Variants in RAB27A observed in about 807,000 individuals in gnomAD.
The protein encoded by RAB27A is RAB27A, member RAS oncogene family, also known as ras-related protein Rab-27A.
RAB27A carries 17 observed loss-of-function variants against 20.8 expected under a neutral mutation model. That is an observed-to-expected ratio of 0.82 (90% CI 0.56 to 1.23). RAB27A has a LOEUF of 1.23. Among genes scored for constraint, RAB27A ranks in the 50% most tolerant of loss-of-function variants. The pLI, the probability that RAB27A is intolerant of heterozygous loss-of-function variation, is 0.00. For missense variants in RAB27A, 277 were observed against 266.7 expected (o/e 1.04, Z -0.27); for synonymous variants, 85 against 92.8 (o/e 0.92, Z 0.48).
At chr15:55,317,396 C>T (rs1477982846) in intron 1 of RAB27A, 2 of 218,398 alleles carry the variant, frequency 9.2e-6, no homozygotes, top group Non-Finnish European at 1.8e-5. Context: ...CTCACTGCCA[C>T]CTCTGCCTCC....
chr15:55,302,382 G>A (rs1452394844), intron 2 of RAB27A, among the ~76,000 whole-genome samples: 2 of 151,978 alleles, frequency 1.3e-5, no homozygotes, highest in Non-Finnish European at 2.9e-5. Context: ...AGTGCTCAAT[G>A]GTGCCCAGGC....
intron 1 of RAB27A, among the ~76,000 whole-genome samples, chr15:55,314,408 TG>T (rs1476151638): frequency 3.9e-5 from 6 of 152,154 alleles, no homozygotes; most frequent in African/African-American, 9.7e-5. Flanking sequence ...AACACAGTAC[TG>T]GAAGTACTGG....
chr15:55,277,233 T>G (rs1341897511), intron 1 of RAB27A, among the ~76,000 whole-genome samples: 1 of 152,212 alleles, frequency 6.6e-6, no homozygotes, highest in Non-Finnish European at 1.5e-5. Context: ...AGAGACTAGA[T>G]GTATAAACTA....
At chr15:55,299,918 T>A (rs2054964708) in intron 2 of RAB27A, among the ~76,000 whole-genome samples, 1 of 151,760 alleles carries the variant, frequency 6.6e-6, no homozygotes, top group African/African-American at 2.4e-5. Flanking sequence ...CCTCCTGGGT[T>A]CATGCCATTC....
intron 2 of RAB27A, among the ~76,000 whole-genome samples, chr15:55,254,706 GCTTCTA>G (rs1053875361): frequency 1.3e-5 from 2 of 152,104 alleles, no homozygotes; most frequent in Non-Finnish European, 2.9e-5. Flanking sequence ...AAAATGTTTG[GCTTCTA>G]CTATTAAGAA....
chr15:55,305,805 G>A (rs532555795), intron 2 of RAB27A, among the ~76,000 whole-genome samples: 20 of 152,280 alleles, frequency 1.3e-4, no homozygotes, highest in Non-Finnish European at 2.4e-4. Flanking sequence ...GGGAATCGGC[G>A]ACCTGTTCCA....
chr15:55,292,910 C>A (rs1214296967), upstream of RAB27A, among the ~76,000 whole-genome samples: 1 of 152,006 alleles, frequency 6.6e-6, no homozygotes, highest in Non-Finnish European at 1.5e-5. Context: ...AAGGCATGAG[C>A]AATGGAAGTT....
In RAB27A at chr15:55,209,859, TATAC is replaced by T. The variant is rs1167749625; in HGVS notation, c.468-4158_468-4155del. Among the ~76,000 whole-genome samples the T allele has an allele frequency of 6.3e-5, 2 of 31,742 alleles. 1 individual carries two copies. Among genetic ancestry groups the T allele is most frequent in the Non-Finnish European group, 1.5e-4 (2 of 13,598 alleles). 20.8% of individuals were successfully genotyped at this position (31,742 alleles called of 152,430 possible). On this transcript the variant is annotated intron_variant, in intron 6 of 6. Coordinates refer to ENST00000336787, the MANE Select transcript of RAB27A (RefSeq NM_183235.3). ...ATGTGTGTACACATATATGTGTGTA[TATAC>T]ATATATACATATATGTGTGTGTATA... is the stretch of plus-strand genomic sequence containing the variant.
At chr15:55,232,935 C>T (rs1896090150) in intron 3 of RAB27A, among the ~76,000 whole-genome samples, 1 of 151,962 alleles carries the variant, frequency 6.6e-6, no homozygotes, top group African/African-American at 2.4e-5. Context: ...ACCAGCCTGG[C>T]CAACATGGCA....
At chr15:55,281,985 G>T (rs1169508402) in intron 1 of RAB27A, among the ~76,000 whole-genome samples, 1 of 152,158 alleles carries the variant, frequency 6.6e-6, no homozygotes, top group Non-Finnish European at 1.5e-5. Flanking sequence ...GCTATGGCAG[G>T]GAGGGGCAAG....
chr15:55,236,963 A>G (rs1896282614), intron 2 of RAB27A, among the ~76,000 whole-genome samples: 1 of 152,098 alleles, frequency 6.6e-6, no homozygotes, highest in African/African-American at 2.4e-5. Flanking sequence ...ATCTAACCAT[A>G]TGCTTGTACA....
intron 5 of RAB27A, among the ~76,000 whole-genome samples, chr15:55,224,398 T>C (rs1488463544): frequency 1.3e-5 from 2 of 152,248 alleles, no homozygotes; most frequent in Non-Finnish European, 2.9e-5. Flanking sequence ...TAAAACTGTT[T>C]TTATGTGTTT....
intron 2 of RAB27A, among the ~76,000 whole-genome samples, chr15:55,313,224 T>C (rs2055028755): frequency 6.6e-6 from 1 of 152,220 alleles, no homozygotes; most frequent in African/African-American, 2.4e-5. Flanking sequence ...AAGACCAGAC[T>C]AGGCCACAGA....
At chr15:55,312,177 A>G (rs984634424) in intron 2 of RAB27A, among the ~76,000 whole-genome samples, 1 of 152,216 alleles carries the variant, frequency 6.6e-6, no homozygotes, top group African/African-American at 2.4e-5. Context: ...CTGGATCAGG[A>G]GCACAGCAGA....
intron 1 of RAB27A, among the ~76,000 whole-genome samples, chr15:55,276,961 T>G (rs968579661): frequency 6.6e-6 from 1 of 152,204 alleles, no homozygotes. Flanking sequence ...ACATTAAATA[T>G]GTACAGACTT....
upstream of RAB27A, among the ~76,000 whole-genome samples, chr15:55,294,589 GAAAA>G (rs1181179911): frequency 5.1e-4 from 15 of 29,182 alleles, no homozygotes; most frequent in South Asian, 0.01. Flanking sequence ...CCCTGTCTCC[GAAAA>G]AAAAAAAAAA....
At chr15:55,255,506 C>T (rs376152590) in intron 2 of RAB27A, among the ~76,000 whole-genome samples, 1 of 152,168 alleles carries the variant, frequency 6.6e-6, no homozygotes, top group South Asian at 2.1e-4. Context: ...CACTCAAATG[C>T]TAATTGTGTC....
At chr15:55,234,423 C>A (rs1372004915) in intron 3 of RAB27A, among the ~76,000 whole-genome samples, 1 of 152,022 alleles carries the variant, frequency 6.6e-6, no homozygotes, top group Non-Finnish European at 1.5e-5. Context: ...AATAAGATAC[C>A]AAAGGTGGAA....
chr15:55,205,140 T>A lies in RAB27A; in HGVS notation c.*367A>T, dbSNP rs914792737. Reference sequence around the variant, plus strand: ...ATAACTGCATGTAAGATCTTAAATGTAAGACTCTGGGCCTACCTACATTAA... The same window carrying A: ...ATAACTGCATGTAAGATCTTAAATGAAAGACTCTGGGCCTACCTACATTAA... On this transcript the variant is annotated 3_prime_UTR_variant, in exon 7 of 7. Coordinates refer to ENST00000336787, the MANE Select transcript of RAB27A (RefSeq NM_183235.3). 1.4e-5 allele frequency: 4 copies of A among 295,576 alleles called. No individual in the cohort carries two copies. The highest frequency in any genetic ancestry group is 9.8e-5 in the Admixed American group (2 of 20,472). 18.3% of individuals were successfully genotyped at this position (295,576 alleles called of 1,614,324 possible).
Sources: gnomAD v4.1 joint callset for allele counts (sites outside exome capture counted in the v4.1 genomes callset) on GRCh38, gnomAD v4.1.1 for gene constraint, MANE v1.5 for transcripts, NCBI Gene and HGNC (gene_info 2026-07-23, HGNC 2026-07-21) for gene names.